The following ARID1B variants were observed in gnomAD, a reference collection of about 807,000 sequenced individuals.
ARID1B encodes AT-rich interactive domain-containing protein 1B.
In ARID1B, 30 loss-of-function variants were observed where a neutral mutation model predicts 212.3. That is an observed-to-expected ratio of 0.14 (90% CI 0.11 to 0.19). The LOEUF (loss-of-function observed/expected upper bound fraction) is 0.19. ARID1B is among the 10% of genes least tolerant of loss of function. The pLI, the probability that ARID1B is intolerant of heterozygous loss-of-function variation, is 1.00. For synonymous variants in ARID1B, 1,402 were observed against 1,301.7 expected (o/e 1.08, Z -1.66); for missense variants, 2,891 against 3,204.0 (o/e 0.90, Z 2.36).
At chr6:156,832,672 T>G (rs1456947432) in intron 2 of ARID1B, among the ~76,000 whole-genome samples, 1 of 152,186 alleles carries the variant, frequency 6.6e-6, no homozygotes, top group Non-Finnish European at 1.5e-5. Flanking sequence ...TCCTGTGATA[T>G]GAATTTTAAA....
At chr6:156,890,208 C>T (rs1263619930) in intron 2 of ARID1B, among the ~76,000 whole-genome samples, 1 of 152,190 alleles carries the variant, frequency 6.6e-6, no homozygotes, top group African/African-American at 2.4e-5. Context: ...GTCTGACCTA[C>T]TATTCACTTC....
chr6:157,039,923 TTTTC>T (rs1326417681), intron 4 of ARID1B, among the ~76,000 whole-genome samples: 78 of 120,182 alleles, frequency 6.5e-4, no homozygotes, highest in African/African-American at 2.0e-3. Flanking sequence ...TCCTTCTTTC[TTTTC>T]TTTCTTTCTT....
chr6:156,968,635 C>T (rs73020042), intron 4 of ARID1B, among the ~76,000 whole-genome samples: 6,613 of 152,302 alleles, frequency 0.043, 168 homozygotes, highest in Middle Eastern at 0.061. Flanking sequence ...CCCGGAGTCT[C>T]GACATGCTCA....
chr6:157,057,196 CTG>C (rs1165009267), intron 4 of ARID1B, among the ~76,000 whole-genome samples: 1 of 151,956 alleles, frequency 6.6e-6, no homozygotes, highest in African/African-American at 2.4e-5. Flanking sequence ...TGGGTTTTCA[CTG>C]TGTTAGCCAG....
At chr6:156,865,232 A>G (rs1369116460) in intron 2 of ARID1B, among the ~76,000 whole-genome samples, 2 of 152,154 alleles carry the variant, frequency 1.3e-5, no homozygotes, top group African/African-American at 2.4e-5. Context: ...GGTGGAGCCA[A>G]TCCTTCAGTA....
chr6:156,792,033 T>G (rs1276944860), intron 1 of ARID1B, among the ~76,000 whole-genome samples: 1 of 152,174 alleles, frequency 6.6e-6, no homozygotes, highest in African/African-American at 2.4e-5. Context: ...AAAGGAGAGA[T>G]GAATGTATGA....
intron 19 of ARID1B, 100 bp downstream of exon 19, chr6:157,204,096 C>T (rs1794289476): frequency 1.4e-6 from 2 of 1,438,274 alleles, no homozygotes; most frequent in African/African-American, 2.8e-5. Context: ...TGAGCACTGA[C>T]CGTCCAACAC....
At chr6:157,154,753 A>T (rs1235463478) in intron 8 of ARID1B, among the ~76,000 whole-genome samples, 2 of 148,628 alleles carry the variant, frequency 1.3e-5, no homozygotes, top group African/African-American at 2.5e-5. Flanking sequence ...TAATTTTTGT[A>T]TTTTTTTTTA....
In ARID1B at chr6:157,074,215, T is replaced by TTTTG. The variant is rs200139946; in HGVS notation, c.2248-10432_2248-10429dup. Among the ~76,000 whole-genome samples the TTTTG allele has an allele frequency of 4.1e-3, 621 of 152,214 alleles. 4 individuals are homozygous for TTTTG. Among genetic ancestry groups the TTTTG allele is most frequent in the African/African-American group, 0.014 (590 of 41,530 alleles). ...ACCTTCCAGAGATTTTCAGATTGTT[T>TTTTG]TTTGTTTGTTTGTTTGTTGGTTTGT... On this transcript the variant is annotated intron_variant, in intron 4 of 19. Transcript: ENST00000636930.
At chr6:156,990,767 C>T (rs1778233367) in intron 4 of ARID1B, among the ~76,000 whole-genome samples, 1 of 152,194 alleles carries the variant, frequency 6.6e-6, no homozygotes, top group Admixed American at 6.5e-5. Context: ...GCTAAGATTA[C>T]AGGTGTGAGC....
At chr6:156,995,933 T>C (rs1778560026) in intron 4 of ARID1B, among the ~76,000 whole-genome samples, 1 of 152,144 alleles carries the variant, frequency 6.6e-6, no homozygotes, top group South Asian at 2.1e-4. Context: ...GAAAAAGAAT[T>C]CACTTGAGTG....
At chr6:156,912,591 G>A (rs1019335109) in intron 3 of ARID1B, among the ~76,000 whole-genome samples, 20 of 152,146 alleles carry the variant, frequency 1.3e-4, no homozygotes, top group Non-Finnish European at 2.9e-5. Context: ...AAACCCAAAA[G>A]GCTTAAGCCC....
intron 4 of ARID1B, among the ~76,000 whole-genome samples, chr6:157,026,768 G>A (rs964834509): frequency 1.3e-5 from 2 of 151,920 alleles, no homozygotes; most frequent in Non-Finnish European, 2.9e-5. Context: ...GTCCTACCTC[G>A]GTCTCTTTAT....
rs758748419 is a variant in ARID1B, at chr6:157,206,669, G to A, written c.5897G>A (p.Arg1966His). 45 of 1,612,850 alleles carry A rather than the reference G, an allele frequency of 2.8e-5. No individual in the cohort carries two copies. Among genetic ancestry groups the A allele is most frequent in the South Asian group, 5.5e-5 (5 of 91,044 alleles). ...GAGAGCAAGATGGAAATTCCTCCTC[G>A]CAGGCGCCCACCTCCCCCCTTAAGC... is the stretch of plus-strand genomic sequence containing the variant. Reference protein sequence around the residue: ...HFESKMEIPPRRRPPPPLSSA... With the variant: ...HFESKMEIPPHRRPPPPLSSA... Residue 1966 changes from arginine (R) to histidine (H), a missense_variant, in exon 20 of 20, where the codon CGC becomes CAC. Arg to His is a conservative substitution (Grantham distance 29, BLOSUM62 0). This residue lies in a region of ARID1B where 332 missense variants were observed against 369.2 expected (regional missense o/e 0.90). Transcript: ENST00000636930. The surrounding 1 kb of genome is among the most constrained non-coding windows in gnomAD (Gnocchi z 6.8).
At chr6:156,989,515 A>G (rs753045715) in intron 4 of ARID1B, among the ~76,000 whole-genome samples, 5 of 152,246 alleles carry the variant, frequency 3.3e-5, no homozygotes, top group Non-Finnish European at 7.3e-5. Flanking sequence ...ACTCAAAGGT[A>G]GATAGTCATT....
At chr6:156,882,025 C>T (rs960027366) in intron 2 of ARID1B, among the ~76,000 whole-genome samples, 1 of 152,214 alleles carries the variant, frequency 6.6e-6, no homozygotes, top group Non-Finnish European at 1.5e-5. Flanking sequence ...TTTTAAGCAT[C>T]TGCTGTATGC....
intron 6 of ARID1B, among the ~76,000 whole-genome samples, chr6:157,114,456 G>A (rs1199400528): frequency 2.0e-5 from 3 of 147,278 alleles, no homozygotes; most frequent in African/African-American, 5.1e-5. Flanking sequence ...CCAGGGAGGC[G>A]GACGTTGCCG....
At chr6:156,813,260 C>T (rs1179413439) in intron 1 of ARID1B, among the ~76,000 whole-genome samples, 2 of 149,016 alleles carry the variant, frequency 1.3e-5, no homozygotes, top group African/African-American at 2.5e-5. Context: ...CATGCTGCCA[C>T]GCCCTGCTAA....
chr6:156,920,945 C>T (rs1464760960), intron 3 of ARID1B, among the ~76,000 whole-genome samples: 1 of 151,994 alleles, frequency 6.6e-6, no homozygotes, highest in Non-Finnish European at 1.5e-5. Flanking sequence ...ACCTCCGCCT[C>T]CCAGGTTCAA....
Sources: gnomAD v4.1 joint callset for allele counts (sites outside exome capture counted in the v4.1 genomes callset) on GRCh38, gnomAD v4.1.1 for gene constraint, gnomAD v4.1.1 regional missense constraint, Gnocchi (gnomAD v3.1) non-coding constraint, MANE v1.5 for transcripts, NCBI Gene and HGNC (gene_info 2026-07-23, HGNC 2026-07-21) for gene names.